The following CSRNP3 variants were observed in gnomAD, a reference collection of about 807,000 sequenced individuals.
The protein encoded by CSRNP3 is cysteine/serine-rich nuclear protein 3.
A neutral mutation model predicts 48.0 loss-of-function variants in CSRNP3; 12 were observed. The ratio of observed to expected loss-of-function variants is 0.25; its 90% CI spans 0.16 to 0.41. The LOEUF (loss-of-function observed/expected upper bound fraction) is 0.41. Among genes scored for constraint, CSRNP3 ranks in the 10% least tolerant of loss-of-function variants. CSRNP3 has a pLI of 1.00. For missense variants in CSRNP3, 580 were observed against 724.4 expected (o/e 0.80, Z 2.29); for synonymous variants, 263 against 269.7 (o/e 0.98, Z 0.24).
At chr2:165,515,338 CATAT>C (rs60927595) in intron 2 of CSRNP3, among the ~76,000 whole-genome samples, 5 of 142,456 alleles carry the variant, frequency 3.5e-5, no homozygotes, top group African/African-American at 1.3e-4. Flanking sequence ...AAAAAAAATA[CATAT>C]ATATATATAT....
rs1358348566 is a variant in CSRNP3 at position 165,681,754 on chromosome 2, T to C, written c.*2001T>C. On this transcript the variant is annotated 3_prime_UTR_variant, in exon 7 of 7. Transcript: ENST00000651982. ...ATATATATATATATATATATATATATATATATACACACACACACACACATA... is the reference window on the plus strand; with the variant it reads ...ATATATATATATATATATATATATACATATATACACACACACACACACATA... The C allele has an allele frequency of 4.6e-4, 49 of 106,606 alleles. No homozygotes were observed. The highest frequency in any genetic ancestry group is 1.7e-3 in the African/African-American group (47 of 27,744). The allele number at this position is 106,606 out of a possible 1,614,324, so 6.6% of individuals were successfully genotyped here. A position where few individuals can be genotyped will look rare whatever the true frequency, so the allele number is the denominator to read the frequency against.
At chr2:165,595,251 T>C (rs971928104) in intron 4 of CSRNP3, 38 bp downstream of exon 4, 5 of 1,548,050 alleles carry the variant, frequency 3.2e-6, no homozygotes, top group African/African-American at 2.7e-5. Context: ...AATTGTCTGG[T>C]TCTACAGCAA....
chr2:165,470,487 T>A (rs1683879193), intron 1 of CSRNP3, among the ~76,000 whole-genome samples: 1 of 152,080 alleles, frequency 6.6e-6, no homozygotes, highest in Admixed American at 6.6e-5. Flanking sequence ...AACAGTCATG[T>A]TTCATGGGTA....
intron 4 of CSRNP3, among the ~76,000 whole-genome samples, chr2:165,641,732 T>C (rs1389346240): frequency 1.3e-5 from 2 of 152,144 alleles, no homozygotes; most frequent in South Asian, 4.1e-4. Context: ...GGTTAGTAGA[T>C]AATACTGAGA....
rs541513930 is a variant in CSRNP3 at position 165,541,791 on chromosome 2, C to A, written c.-24+23830C>A. Among the ~76,000 whole-genome samples, 52 of 152,216 alleles carry A rather than the reference C, an allele frequency of 3.4e-4. 1 individual carries two copies. The highest frequency in any genetic ancestry group is 1.2e-3 in the African/African-American group (51 of 41,548). On this transcript the variant is annotated intron_variant, in intron 3 of 6. Transcript: ENST00000651982. The stretch of plus-strand genomic sequence containing the variant: ...TCTCCTGTCATACACTTAATGAAGG[C>A]ACAAGCCTTGATCACCCCAGTGTAG...
chr2:165,526,374 T>C (rs1384383640), intron 3 of CSRNP3, among the ~76,000 whole-genome samples: 1 of 152,156 alleles, frequency 6.6e-6, no homozygotes, highest in Non-Finnish European at 1.5e-5. Context: ...ATGATACAAA[T>C]GGCCAACATT....
At chr2:165,669,908 T>A (rs1412063802) in intron 5 of CSRNP3, among the ~76,000 whole-genome samples, 1 of 152,152 alleles carries the variant, frequency 6.6e-6, no homozygotes, top group Non-Finnish European at 1.5e-5. Flanking sequence ...AGAGATAGGA[T>A]AAACATAAAA....
intron 3 of CSRNP3, among the ~76,000 whole-genome samples, chr2:165,525,200 G>A (rs1205688208): frequency 6.6e-6 from 1 of 151,570 alleles, no homozygotes; most frequent in Non-Finnish European, 1.5e-5. Context: ...CTGCTTATTC[G>A]CCATCTGTTT....
At position 165,684,392 on chromosome 2, in the gene CSRNP3, T is replaced by C. The variant is rs946386557; in HGVS notation, c.*4639T>C. 1 of 152,094 alleles carries C rather than the reference T, an allele frequency of 6.6e-6. No individual in the cohort carries two copies. Among genetic ancestry groups the C allele is most frequent in the Admixed American group, 6.6e-5 (1 of 15,238 alleles). 9.4% of individuals were successfully genotyped at this position (152,094 alleles called of 1,614,324 possible). ...TTTCTCTTTAAAATGGCATCTCTGT[T>C]CCTTATTCTCTTGATGACAGTTTGC... On this transcript the variant is annotated 3_prime_UTR_variant, in exon 7 of 7. Coordinates refer to ENST00000651982, the MANE Select transcript of CSRNP3 (RefSeq NM_001172173.2).
chr2:165,517,831 A>T (rs894332140), intron 2 of CSRNP3, 42 bp from the exon 3 acceptor site: 6 of 152,416 alleles, frequency 3.9e-5, no homozygotes, highest in African/African-American at 1.2e-4. Flanking sequence ...CTTTGAAAAC[A>T]TAACCTTACA....
chr2:165,673,571 T>C (rs1051644000), intron 5 of CSRNP3, among the ~76,000 whole-genome samples: 3 of 152,208 alleles, frequency 2.0e-5, no homozygotes, highest in African/African-American at 7.2e-5. Flanking sequence ...TCATATGACA[T>C]ACAGTTGTTT....
intron 3 of CSRNP3, among the ~76,000 whole-genome samples, chr2:165,584,518 G>A (rs1263304952): frequency 1.3e-5 from 2 of 152,180 alleles, no homozygotes; most frequent in Non-Finnish European, 2.9e-5. Flanking sequence ...ATGTCACATA[G>A]TACTCAGCTT....
chr2:165,559,193 A>AT (rs1333264545), intron 3 of CSRNP3, among the ~76,000 whole-genome samples: 2 of 152,196 alleles, frequency 1.3e-5, no homozygotes, highest in African/African-American at 4.8e-5. Flanking sequence ...TTTTCATTAT[A>AT]TTCAAAATTT....
chr2:165,504,612 T>C (rs1183032387), intron 2 of CSRNP3, among the ~76,000 whole-genome samples: 1 of 152,130 alleles, frequency 6.6e-6, no homozygotes, highest in Non-Finnish European at 1.5e-5. Flanking sequence ...CAAGCAGTCC[T>C]TTAGTTCTTA....
At chr2:165,671,717 G>A (rs1687334331) in intron 5 of CSRNP3, among the ~76,000 whole-genome samples, 2 of 152,154 alleles carry the variant, frequency 1.3e-5, no homozygotes. Flanking sequence ...TGTTACTTAT[G>A]CAAATTTCTG....
At chr2:165,555,821 A>C (rs1685154355) in intron 3 of CSRNP3, among the ~76,000 whole-genome samples, 1 of 152,226 alleles carries the variant, frequency 6.6e-6, no homozygotes, top group African/African-American at 2.4e-5. Flanking sequence ...GTGCAATTTC[A>C]TGAAGGCATG....
At chr2:165,532,961 T>C (rs1199221740) in intron 3 of CSRNP3, among the ~76,000 whole-genome samples, 1 of 152,142 alleles carries the variant, frequency 6.6e-6, no homozygotes, top group East Asian at 1.9e-4. Context: ...CCATTCACAA[T>C]TGCTTCAAAG....
chr2:165,674,681 AATATATATATATATATATATAT>A (rs59117817), intron 5 of CSRNP3, among the ~76,000 whole-genome samples: 2 of 103,232 alleles, frequency 1.9e-5, no homozygotes, highest in East Asian at 2.9e-4. Context: ...AATACTTCTG[AATATATATATATATATATATAT>A]ATATATATAT....
chr2:165,558,100 A>G (rs570393694), intron 3 of CSRNP3, among the ~76,000 whole-genome samples: 1 of 152,358 alleles, frequency 6.6e-6, no homozygotes, highest in African/African-American at 2.4e-5. Flanking sequence ...CTAACAATGT[A>G]AAAAGAAAAT....
Sources: gnomAD v4.1 joint callset for allele counts (sites outside exome capture counted in the v4.1 genomes callset) on GRCh38, gnomAD v4.1.1 for gene constraint, MANE v1.5 for transcripts, NCBI Gene and HGNC (gene_info 2026-07-23, HGNC 2026-07-21) for gene names.